CNTN5: variants seen among roughly 807,000 people sequenced by gnomAD.
The protein encoded by CNTN5 is contactin 5, also known as contactin-5.
Under a neutral mutation model 129.1 loss-of-function variants are expected in CNTN5, and 77 were observed. The ratio of observed to expected loss-of-function variants is 0.60; its 90% CI spans 0.50 to 0.72. CNTN5 has a LOEUF of 0.72. CNTN5 is among the 30% of genes least tolerant of loss of function. The pLI is 0.00. For missense variants in CNTN5, 1,478 were observed against 1,328.8 expected, an observed-to-expected ratio of 1.11 and a Z score of -1.75; for synonymous variants, 509 against 465.6, an observed-to-expected ratio of 1.09 and a Z score of -1.20.
intron 8 of CNTN5, among the ~76,000 whole-genome samples, chr11:99,995,466 A>C (rs2137435434): frequency 6.6e-6 from 1 of 152,342 alleles, no homozygotes; most frequent in African/African-American, 2.4e-5. Flanking sequence ...AAATAGATAA[A>C]TATTAAACAC....
At chr11:99,774,702 C>T in intron 3 of CNTN5, among the ~76,000 whole-genome samples, 1 of 151,774 alleles carries the variant, frequency 6.6e-6, no homozygotes, top group East Asian at 1.9e-4. Context: ...TTTATTCTGT[C>T]CTGTTACTTC....
chr11:100,034,369 A>T (rs1383232330), intron 9 of CNTN5, among the ~76,000 whole-genome samples: 1 of 152,224 alleles, frequency 6.6e-6, no homozygotes, highest in Admixed American at 6.5e-5. Flanking sequence ...CTCCTTTTTC[A>T]TCATTGATAT....
chr11:99,764,300 G>T (rs921364882), intron 3 of CNTN5, among the ~76,000 whole-genome samples: 5 of 151,820 alleles, frequency 3.3e-5, no homozygotes, highest in Admixed American at 6.6e-5. Context: ...GAAGGCTAAT[G>T]CTACCAAATA....
At chr11:99,184,205 A>G (rs1858226329) in intron 1 of CNTN5, among the ~76,000 whole-genome samples, 1 of 152,086 alleles carries the variant, frequency 6.6e-6, no homozygotes, top group Non-Finnish European at 1.5e-5. Context: ...TTACTTCTTC[A>G]TTATGGATGT....
At position 99,502,412 on chromosome 11, in the gene CNTN5, G is replaced by A. The variant is rs563054677; in HGVS notation, c.-70-53733G>A. On this transcript the variant is annotated intron_variant, in intron 2 of 24. Transcript: ENST00000524871. Reference sequence around the variant, plus strand: ...GACGAGATGGAGGTAATTGAATCACGGGGGTTGGGGGGGTGGTTTCCTCCA... The same window carrying A: ...GACGAGATGGAGGTAATTGAATCACAGGGGTTGGGGGGGTGGTTTCCTCCA... 1.2e-3 allele frequency among the ~76,000 whole-genome samples: 181 copies of A among 152,204 alleles called. 1 individual carries two copies. Among genetic ancestry groups the A allele is most frequent in the African/African-American group, 4.0e-3 (168 of 41,538 alleles).
chr11:99,402,248 T>C (rs1941850505), intron 2 of CNTN5, among the ~76,000 whole-genome samples: 1 of 152,272 alleles, frequency 6.6e-6, no homozygotes, highest in Admixed American at 6.5e-5. Flanking sequence ...GTTCCTTCTA[T>C]CCCCAGTTTT....
intron 3 of CNTN5, among the ~76,000 whole-genome samples, chr11:99,797,597 T>C (rs1441083302): frequency 1.3e-5 from 2 of 152,182 alleles, no homozygotes; most frequent in Non-Finnish European, 2.9e-5. Flanking sequence ...TGTCTGTTCA[T>C]GTCCTTTGCC....
intron 1 of CNTN5, among the ~76,000 whole-genome samples, chr11:99,267,841 A>G (rs1414525476): frequency 6.6e-6 from 1 of 151,498 alleles, no homozygotes; most frequent in South Asian, 2.1e-4. Flanking sequence ...TCTATCACTT[A>G]TGCCAAACTT....
intron 17 of CNTN5, among the ~76,000 whole-genome samples, chr11:100,265,057 C>A (rs1950274991): frequency 6.6e-6 from 1 of 151,834 alleles, no homozygotes; most frequent in Non-Finnish European, 1.5e-5. Flanking sequence ...TGCTCATATC[C>A]TTTGCCCACT....
At chr11:99,246,923 T>C (rs10444320) in intron 1 of CNTN5, among the ~76,000 whole-genome samples, 1 of 152,082 alleles carries the variant, frequency 6.6e-6, no homozygotes, top group Admixed American at 6.6e-5. Context: ...AAAATATTAA[T>C]CCATATAATT....
intron 9 of CNTN5, among the ~76,000 whole-genome samples, chr11:100,047,496 T>C (rs560028695): frequency 1.6e-4 from 25 of 152,190 alleles, no homozygotes; most frequent in Non-Finnish European, 3.5e-4. Flanking sequence ...TAAAAATTGG[T>C]AGAAATGTGA....
rs566502302 is a variant in CNTN5 at position 99,044,242 on chromosome 11, A to C, written c.-210+22972A>C. Among the ~76,000 whole-genome samples the C allele has an allele frequency of 7.6e-4, 116 of 152,324 alleles. 1 individual carries two copies. The highest frequency in any genetic ancestry group is 2.9e-3 in the Admixed American group (45 of 15,296). ...TGCAAATCATATCTAAGTATTAAAA[A>C]ATTATAAACTAAGCTAACAAAATTC... On this transcript the variant is annotated intron_variant, in intron 1 of 24. Coordinates refer to ENST00000524871, the MANE Select transcript of CNTN5 (RefSeq NM_014361.4).
At chr11:99,356,980 AG>A (rs1408717415) in intron 2 of CNTN5, among the ~76,000 whole-genome samples, 15 of 152,228 alleles carry the variant, frequency 9.9e-5, no homozygotes, top group African/African-American at 3.6e-4. Flanking sequence ...TGTCAAGTAT[AG>A]AAAAAGGAAA....
chr11:99,981,809 A>G (rs1591520671), intron 8 of CNTN5, among the ~76,000 whole-genome samples: 1 of 152,214 alleles, frequency 6.6e-6, no homozygotes, highest in Non-Finnish European at 1.5e-5. Flanking sequence ...TCTTATCACT[A>G]TGCTTGTAGC....
intron 7 of CNTN5, among the ~76,000 whole-genome samples, chr11:99,923,753 G>GTCCATCTATCTA (rs1555158646): frequency 1.7e-5 from 2 of 116,242 alleles, no homozygotes; most frequent in African/African-American, 7.3e-5. Context: ...TAATCTATCT[G>GTCCATCTATCTA]TCTGTCTATC....
intron 1 of CNTN5, among the ~76,000 whole-genome samples, chr11:99,106,534 T>C (rs539669737): frequency 5.8e-4 from 88 of 152,164 alleles, no homozygotes; most frequent in Non-Finnish European, 1.1e-3. Context: ...ATTCAGATAC[T>C]ACAGTAATAC....
At chr11:99,362,710 G>C (rs1325249905) in intron 2 of CNTN5, among the ~76,000 whole-genome samples, 1 of 151,360 alleles carries the variant, frequency 6.6e-6, no homozygotes, top group East Asian at 1.9e-4. Context: ...ACGATATAAA[G>C]TACAGGTCCA....
intron 13 of CNTN5, among the ~76,000 whole-genome samples, chr11:100,074,916 A>G (rs1944068473): frequency 6.6e-6 from 1 of 152,148 alleles, no homozygotes; most frequent in Admixed American, 6.5e-5. Context: ...ATCACATGGC[A>G]ATCTATTTGT....
At chr11:99,083,445 T>C (rs1205607780) in intron 1 of CNTN5, among the ~76,000 whole-genome samples, 2 of 152,208 alleles carry the variant, frequency 1.3e-5, no homozygotes, top group East Asian at 3.9e-4. Flanking sequence ...GTTTATACAT[T>C]AGCATATTCC....
Sources: allele counts gnomAD v4.1 joint callset (sites outside exome capture counted in the v4.1 genomes callset), GRCh38; gene constraint gnomAD v4.1.1; transcripts MANE v1.5; gene names NCBI Gene and HGNC (gene_info 2026-07-23, HGNC 2026-07-21).